Variants in PCDHGA3 observed in about 807,000 individuals in gnomAD.
PCDHGA3 encodes protocadherin gamma subfamily A, 3.
Under a neutral mutation model 58.5 loss-of-function variants are expected in PCDHGA3, and 40 were observed. The ratio of observed to expected loss-of-function variants is 0.68; its 90% CI spans 0.53 to 0.89. The LOEUF is 0.89. PCDHGA3 is among the 40% of genes least tolerant of loss of function. The pLI is 0.00. For synonymous variants in PCDHGA3, 530 were observed against 525.7 expected, an observed-to-expected ratio of 1.01 and a Z score of -0.11; for missense variants, 1,223 against 1,195.9, an observed-to-expected ratio of 1.02 and a Z score of -0.33.
At position 141,344,271 on chromosome 5, in the gene PCDHGA3, C is replaced by T; in HGVS notation, c.238C>T (p.Gln80Ter). 6.2e-7 allele frequency: 1 copy of T among 1,614,086 alleles called. No individual in the cohort carries two copies. Among genetic ancestry groups the T allele is most frequent in the Non-Finnish European group, 8.5e-7 (1 of 1,179,926 alleles). Residue 80 changes from glutamine (Q) to a stop codon, truncating the protein, a stop_gained, in exon 1 of 4, where the codon CAA (glutamine) becomes TAA (stop). Coordinates refer to ENST00000253812, the MANE Select transcript of PCDHGA3 (RefSeq NM_018916.4). LOFTEE classifies it high-confidence loss of function. ...GRTQLFSLNP[Q>*]SGSLVTAERI... is the part of the protein sequence containing the mutation. ...GACGCAGCTTTTCTCTCTGAATCCG[C>T]AAAGCGGCAGCTTGGTCACCGCGGA...
intron 1 of PCDHGA3, chr5:141,428,437 C>G: frequency 2.5e-6 from 1 of 400,386 alleles, no homozygotes; most frequent in East Asian, 5.4e-5. Flanking sequence ...TAAGACTAGA[C>G]CAGGGGTTTT....
chr5:141,506,280 C>CT (rs1455257972), intron 3 of PCDHGA3, among the ~76,000 whole-genome samples: 1 of 152,024 alleles, frequency 6.6e-6, no homozygotes, highest in Non-Finnish European at 1.5e-5. Flanking sequence ...GAAACCCTGT[C>CT]TCTACTAAAA....
chr5:141,421,901 G>A lies in PCDHGA3; in HGVS notation c.2425-72906G>A. ...GATGGAGGCGATCCCATCCGAAAGG[G>A]CGCAGTTCCCATTCGTGTGGTGGTC... is the stretch of plus-strand genomic sequence containing the variant. On this transcript the variant is annotated intron_variant, in intron 1 of 3. Coordinates refer to ENST00000253812, the MANE Select transcript of PCDHGA3 (RefSeq NM_018916.4). 1.9e-6 allele frequency: 3 copies of A among 1,613,724 alleles called. No individual in the cohort carries two copies. Among genetic ancestry groups the A allele is most frequent in the East Asian group, 2.2e-5 (1 of 44,880 alleles).
chr5:141,355,593 C>A (rs770322971), intron 1 of PCDHGA3: 8 of 1,613,990 alleles, frequency 5.0e-6, no homozygotes, highest in Non-Finnish European at 6.8e-6. Context: ...ATAACCCACC[C>A]AGTTTTGGGA....
intron 1 of PCDHGA3, chr5:141,422,231 T>A: frequency 3.2e-6 from 5 of 1,566,292 alleles, no homozygotes; most frequent in Non-Finnish European, 4.3e-6. Context: ...ACGACGATGT[T>A]GATCACTGTT....
Position 141,489,384 on chromosome 5 carries a change from T to C in PCDHGA3, c.2425-5423T>C, listed in dbSNP as rs2099686499. The stretch of plus-strand genomic sequence containing the variant: ...AGCCGGGGACGCTGGTGGGGAATGT[T>C]GCTCAGGATCTGGGCTTAAAGATGA... On this transcript the variant is annotated intron_variant, in intron 1 of 3. Transcript: ENST00000253812. The surrounding 1 kb of genome is among the most constrained non-coding windows in gnomAD (Gnocchi z 4.5). 1 of 1,613,986 alleles carries C rather than the reference T, an allele frequency of 6.2e-7. No individual in the cohort carries two copies. The highest frequency in any genetic ancestry group is 8.5e-7 in the Non-Finnish European group (1 of 1,179,842).
chr5:141,434,802 G>A (rs1009500775), intron 1 of PCDHGA3, among the ~76,000 whole-genome samples: 10 of 151,488 alleles, frequency 6.6e-5, no homozygotes, highest in African/African-American at 2.4e-4. Flanking sequence ...TTCTGAGCTT[G>A]GAGAAATATA....
chr5:141,385,086 A>G, intron 1 of PCDHGA3: 1 of 1,614,206 alleles, frequency 6.2e-7, no homozygotes, highest in African/African-American at 1.3e-5. Context: ...AGGCTTCAGA[A>G]GGTGGCTTGG....
At chr5:141,375,794 G>A (rs754100940) in intron 1 of PCDHGA3, 1 of 1,614,170 alleles carries the variant, frequency 6.2e-7, no homozygotes, top group East Asian at 2.2e-5. Context: ...CCCCACAGAC[G>A]GTTCCACTGG....
intron 1 of PCDHGA3, chr5:141,365,429 G>A (rs781264093): frequency 1.2e-6 from 2 of 1,613,990 alleles, no homozygotes; most frequent in East Asian, 2.2e-5. Flanking sequence ...AACTGTAATC[G>A]CGCTGTTTAG....
At position 141,477,107 on chromosome 5, in the gene PCDHGA3, C is replaced by A. The variant is rs1431445150; in HGVS notation, c.2425-17700C>A. ...CCAGGCCAAAGACAAGGGCGCCAAT[C>A]CCGAAGGAGCACATTGCAAAGTGTT... On this transcript the variant is annotated intron_variant, in intron 1 of 3. Coordinates refer to ENST00000253812, the MANE Select transcript of PCDHGA3 (RefSeq NM_018916.4). This position sits in a 1 kb window ranked among gnomAD's most constrained non-coding sequence, Gnocchi z 4.9. 1 of 1,614,252 alleles carries A rather than the reference C, an allele frequency of 6.2e-7. No homozygotes were observed. The highest frequency in any genetic ancestry group is 8.5e-7 in the Non-Finnish European group (1 of 1,180,048).
At chr5:141,415,208 A>C in intron 1 of PCDHGA3, 3 of 1,614,024 alleles carry the variant, frequency 1.9e-6, no homozygotes, top group Non-Finnish European at 2.5e-6. Context: ...GTCCTGGCGG[A>C]CCTCGGCAGC....
chr5:141,504,550 G>A (rs944574179), intron 2 of PCDHGA3, among the ~76,000 whole-genome samples: 2 of 151,586 alleles, frequency 1.3e-5, no homozygotes, highest in Non-Finnish European at 2.9e-5. Context: ...GCAAATGTTG[G>A]GGGACTGGCA....
intron 1 of PCDHGA3, chr5:141,385,477 T>C: frequency 7.0e-7 from 1 of 1,433,254 alleles, no homozygotes; most frequent in Non-Finnish European, 9.1e-7. Context: ...GACACTTTAA[T>C]ATAGAACACA....
Position 141,489,375 on chromosome 5 carries a change from G to C in PCDHGA3, c.2425-5432G>C. On this transcript the variant is annotated intron_variant, in intron 1 of 3. Coordinates refer to ENST00000253812, the MANE Select transcript of PCDHGA3 (RefSeq NM_018916.4). The surrounding 1 kb of genome is among the most constrained non-coding windows in gnomAD (Gnocchi z 4.5). ...AGGAGTCTGAGCCGGGGACGCTGGT[G>C]GGGAATGTTGCTCAGGATCTGGGCT... 1 of 1,613,826 alleles carries C rather than the reference G, an allele frequency of 6.2e-7. No homozygotes were observed.
chr5:141,393,533 G>T (rs1475648389), intron 1 of PCDHGA3: 2 of 1,613,950 alleles, frequency 1.2e-6, no homozygotes, highest in South Asian at 1.1e-5. Flanking sequence ...ACAATGCCCC[G>T]GTTTTTCCTC....
chr5:141,511,537 A>G lies in PCDHGA3; in HGVS notation c.*364A>G. 2 of 319,256 alleles carry G rather than the reference A, an allele frequency of 6.3e-6. No individual in the cohort carries two copies. Among genetic ancestry groups the G allele is most frequent in the South Asian group, 3.3e-5 (1 of 29,854 alleles). 19.8% of individuals were successfully genotyped at this position (319,256 alleles called of 1,614,324 possible). A position where few individuals can be genotyped will look rare whatever the true frequency, so the allele number is the denominator to read the frequency against. On this transcript the variant is annotated 3_prime_UTR_variant, in exon 4 of 4. Coordinates refer to ENST00000253812, the MANE Select transcript of PCDHGA3 (RefSeq NM_018916.4). ...TCCATCCCATGCCTCCCTCCTCCCC[A>G]CCCCACTCCAACAGTTCCTCTTTCC... is the stretch of plus-strand genomic sequence containing the variant.
intron 1 of PCDHGA3, chr5:141,404,186 C>T (rs767632448): frequency 3.1e-6 from 5 of 1,613,084 alleles, no homozygotes; most frequent in Non-Finnish European, 4.2e-6. Flanking sequence ...AATTCTTGAC[C>T]GAGAAAAAGC....
In PCDHGA3 at chr5:141,344,406, G is replaced by T. The variant is rs781733896; in HGVS notation, c.373G>T (p.Asp125Tyr). ...KIFEVEIEIK[D>Y]INDNAPNFPT... Reference sequence around the variant, plus strand: ...TTTTGAAGTAGAAATAGAAATTAAAGATATTAATGATAATGCTCCTAATTT... The same window carrying T: ...TTTTGAAGTAGAAATAGAAATTAAATATATTAATGATAATGCTCCTAATTT... Residue 125 changes from aspartate to tyrosine, a missense_variant, in exon 1 of 4, where the codon GAT becomes TAT. Physicochemically the swap from Asp to Tyr is radical, Grantham distance 160. Coordinates refer to ENST00000253812, the MANE Select transcript of PCDHGA3 (RefSeq NM_018916.4). The T allele has an allele frequency of 1.9e-6, 3 of 1,611,194 alleles. No homozygotes were observed. In the South Asian group the frequency reaches 3.3e-5, roughly 18 times the overall value.
Sources: allele counts gnomAD v4.1 joint callset (sites outside exome capture counted in the v4.1 genomes callset), GRCh38; gene constraint gnomAD v4.1.1; non-coding constraint Gnocchi (gnomAD v3.1); transcripts MANE v1.5; gene names NCBI Gene and HGNC (gene_info 2026-07-23, HGNC 2026-07-21).